UBE2D4: variants seen among roughly 807,000 people sequenced by gnomAD.
UBE2D4 encodes ubiquitin-conjugating enzyme E2 D4.
In UBE2D4, 17 loss-of-function variants were observed where a neutral mutation model predicts 23.0. The observed-to-expected ratio is 0.74, with a 90% CI of 0.51 to 1.11. The LOEUF (loss-of-function observed/expected upper bound fraction) is 1.11, where lower values mean the gene tolerates loss of function less well. UBE2D4 is among the 50% of genes least tolerant of loss of function. The pLI is 0.00. For synonymous variants in UBE2D4, 61 were observed against 69.4 expected, an observed-to-expected ratio of 0.88 and a Z score of 0.60; for missense variants, 139 against 181.8, an observed-to-expected ratio of 0.76 and a Z score of 1.35.
chr7:43,943,210 C>T (rs1034564814), intron 4 of UBE2D4, 179 bp downstream of exon 4: 2 of 649,134 alleles, frequency 3.1e-6, no homozygotes, highest in Non-Finnish European at 2.7e-6. Context: ...GAATTAGCAC[C>T]TGTTGTGATC....
At chr7:43,950,024 T>C (rs1334566108) in intron 5 of UBE2D4, among the ~76,000 whole-genome samples, 1 of 152,116 alleles carries the variant, frequency 6.6e-6, no homozygotes, top group Non-Finnish European at 1.5e-5. Context: ...CTGGCTAATT[T>C]TGTATTTTTT....
At chr7:43,935,781 C>T (rs1476955042) in intron 1 of UBE2D4, among the ~76,000 whole-genome samples, 1 of 152,196 alleles carries the variant, frequency 6.6e-6, no homozygotes, top group Non-Finnish European at 1.5e-5. Flanking sequence ...GTACTTGATG[C>T]TCTCCCACAG....
Position 43,953,203 on chromosome 7 carries a change from G to A in UBE2D4, c.*508G>A, listed in dbSNP as rs1053236068. On this transcript the variant is annotated 3_prime_UTR_variant, in exon 7 of 7. Coordinates refer to ENST00000222402, the MANE Select transcript of UBE2D4 (RefSeq NM_015983.4). ...TGAGGAGTCTCAGCTTATCCTGGAG[G>A]GAATTGGGAACAGTGTCACTGGGAA... The A allele has an allele frequency of 1.8e-5, 8 of 456,614 alleles. No individual in the cohort carries two copies. The highest frequency in any genetic ancestry group is 3.5e-5 in the Non-Finnish European group (8 of 226,984). The allele number at this position is 456,614 out of a possible 1,614,324, so 28.3% of individuals were successfully genotyped here.
intron 4 of UBE2D4, chr7:43,947,040 C>T (rs554845782): frequency 2.0e-5 from 3 of 152,096 alleles, no homozygotes; most frequent in Admixed American, 6.5e-5. Context: ...GCCCCCACCC[C>T]CCGACAGGCC....
intron 3 of UBE2D4, 21 bp from the exon 4 acceptor site, chr7:43,942,929 CTCTT>C (rs2095976726): frequency 1.2e-6 from 2 of 1,614,132 alleles, no homozygotes; most frequent in Non-Finnish European, 1.7e-6. Context: ...ATGCACTGAT[CTCTT>C]TCTGTGTCTC....
rs138999321 is a variant in UBE2D4 at position 43,936,330 on chromosome 7, G to C, written c.25-2101G>C. The stretch of plus-strand genomic sequence containing the variant: ...TTGGAGTTGACGAAACACCGTAAAG[G>C]AATAACTGAGTGTGTACCATGGTTT... On this transcript the variant is annotated intron_variant, in intron 1 of 6. Transcript: ENST00000222402. Among the ~76,000 whole-genome samples the C allele has an allele frequency of 3.8e-3, 578 of 152,150 alleles. 4 individuals are homozygous for C. Among genetic ancestry groups the C allele is most frequent in the African/African-American group, 0.013 (522 of 41,494 alleles).
chr7:43,932,526 C>T (rs1344893731), intron 1 of UBE2D4, among the ~76,000 whole-genome samples: 4 of 152,128 alleles, frequency 2.6e-5, no homozygotes, highest in African/African-American at 9.7e-5. Context: ...AGCAGGGTGG[C>T]TCACGCCTGT....
At chr7:43,945,948 AT>A (rs1336028415) in intron 4 of UBE2D4, among the ~76,000 whole-genome samples, 1 of 151,536 alleles carries the variant, frequency 6.6e-6, no homozygotes, top group African/African-American at 2.4e-5. Context: ...TGCCCGGCTA[AT>A]TTTTTTGTAT....
chr7:43,933,106 A>G (rs961687689), intron 1 of UBE2D4, among the ~76,000 whole-genome samples: 1 of 148,390 alleles, frequency 6.7e-6, no homozygotes, highest in Non-Finnish European at 1.5e-5. Context: ...TATATATATA[A>G]CATATATACT....
rs1197072515 is a variant in UBE2D4 at position 43,956,041 on chromosome 7, G to A, written c.*3346G>A. Reference sequence around the variant, plus strand: ...TTGTTCTCCCTTGACCAGTTTTCTAGTTTTCCTGTTCCCACCCTGGTCTTT... The same window carrying A: ...TTGTTCTCCCTTGACCAGTTTTCTAATTTTCCTGTTCCCACCCTGGTCTTT... On this transcript the variant is annotated 3_prime_UTR_variant, in exon 7 of 7. Transcript: ENST00000222402. 1.3e-5 allele frequency: 2 copies of A among 152,056 alleles called. No individual in the cohort carries two copies. The highest frequency in any genetic ancestry group is 3.9e-4 in the East Asian group (2 of 5,194). The allele number at this position is 152,056 out of a possible 1,614,324, so 9.4% of individuals were successfully genotyped here. A position where few individuals can be genotyped will look rare whatever the true frequency, so the allele number is the denominator to read the frequency against.
At chr7:43,939,471 G>A (rs1042997900) in intron 2 of UBE2D4, among the ~76,000 whole-genome samples, 2 of 152,236 alleles carry the variant, frequency 1.3e-5, no homozygotes, top group Non-Finnish European at 2.9e-5. Flanking sequence ...GGCTTCTTGG[G>A]CTCTGGGACA....
intron 2 of UBE2D4, 63 bp downstream of exon 2, chr7:43,938,557 C>T: frequency 6.5e-7 from 1 of 1,532,004 alleles, no homozygotes; most frequent in Non-Finnish European, 9.0e-7. Context: ...CAACTTAGGC[C>T]AGGTGCGGTG....
At chr7:43,929,423 CT>C (rs1414441334) in intron 1 of UBE2D4, among the ~76,000 whole-genome samples, 1 of 128,060 alleles carries the variant, frequency 7.8e-6, no homozygotes, top group Admixed American at 8.1e-5. Flanking sequence ...GAGACTCTGT[CT>C]TAAAAAAAAA....
At position 43,953,815 on chromosome 7, in the gene UBE2D4, G is replaced by C. The variant is rs1279429842; in HGVS notation, c.*1120G>C. Reference sequence around the variant, plus strand: ...TCCACAGAGGGAAGAAAATTGAGGAGCTTCAGATCTCTAAAGCCAAATTCA... The same window carrying C: ...TCCACAGAGGGAAGAAAATTGAGGACCTTCAGATCTCTAAAGCCAAATTCA... On this transcript the variant is annotated 3_prime_UTR_variant, in exon 7 of 7. Coordinates refer to ENST00000222402, the MANE Select transcript of UBE2D4 (RefSeq NM_015983.4). 6.6e-6 allele frequency: 1 copy of C among 152,508 alleles called. No individual in the cohort carries two copies. The highest frequency in any genetic ancestry group is 1.5e-5 in the Non-Finnish European group (1 of 68,290). 9.4% of individuals were successfully genotyped at this position (152,508 alleles called of 1,614,324 possible). A position where few individuals can be genotyped will look rare whatever the true frequency, so the allele number is the denominator to read the frequency against.
Position 43,933,013 on chromosome 7 carries a change from T to TACAC in UBE2D4, c.25-5412_25-5409dup, listed in dbSNP as rs1246837914. Among the ~76,000 whole-genome samples the TACAC allele has an allele frequency of 1.2e-4, 14 of 116,644 alleles. 1 individual carries two copies. The highest frequency in any genetic ancestry group is 4.9e-3 in the Middle Eastern group (1 of 206). The allele number at this position is 116,644 out of a possible 152,430, so 76.5% of individuals were successfully genotyped here. On this transcript the variant is annotated intron_variant, in intron 1 of 6. Transcript: ENST00000222402. ...ATATATATATATATATATATATATA[T>TACAC]ACACACACATATATATACACATATG...
chr7:43,950,562 G>A (rs750452865), intron 5 of UBE2D4, 37 bp from the exon 6 acceptor site: 48 of 1,576,630 alleles, frequency 3.0e-5, no homozygotes, highest in South Asian at 1.0e-4. Context: ...CAGCAGCTTC[G>A]TGGCTACAGC....
At position 43,953,241 on chromosome 7, in the gene UBE2D4, C is replaced by G. The variant is rs751243911; in HGVS notation, c.*546C>G. 1 of 455,976 alleles carries G rather than the reference C, an allele frequency of 2.2e-6. No homozygotes were observed. The highest frequency in any genetic ancestry group is 4.4e-6 in the Non-Finnish European group (1 of 226,714). The allele number at this position is 455,976 out of a possible 1,614,324, so 28.2% of individuals were successfully genotyped here. A position where few individuals can be genotyped will look rare whatever the true frequency, so the allele number is the denominator to read the frequency against. On this transcript the variant is annotated 3_prime_UTR_variant, in exon 7 of 7. Transcript: ENST00000222402. The stretch of plus-strand genomic sequence containing the variant: ...GTGTCACTGGGAAGTGAAGGCCTAG[C>G]CCTGTGGCTTCCACCAGTCTCCTCC...
At chr7:43,943,106 A>G (rs1279571934) in intron 4 of UBE2D4, 75 bp downstream of exon 4, 5 of 1,469,778 alleles carry the variant, frequency 3.4e-6, no homozygotes, top group African/African-American at 1.4e-5. Context: ...CAAGTCAGGT[A>G]TAGGTAAAAA....
chr7:43,942,429 G>A, intron 2 of UBE2D4: 1 of 360,370 alleles, frequency 2.8e-6, no homozygotes, highest in Non-Finnish European at 5.2e-6. Flanking sequence ...CTCTCAGGGT[G>A]GAGCTCCAAT....
Sources: allele counts gnomAD v4.1 joint callset (sites outside exome capture counted in the v4.1 genomes callset), GRCh38; gene constraint gnomAD v4.1.1; transcripts MANE v1.5; gene names NCBI Gene and HGNC (gene_info 2026-07-23, HGNC 2026-07-21).